NSD3: variants seen among roughly 807,000 people sequenced by gnomAD.
NSD3 encodes nuclear receptor binding SET domain protein 3.
NSD3 carries 24 observed loss-of-function variants against 160.8 expected under a neutral mutation model. The ratio of observed to expected loss-of-function variants is 0.15; its 90% CI spans 0.11 to 0.21. The LOEUF is 0.21. Ranked by LOEUF, NSD3 falls within the 10% of genes least tolerant of loss-of-function variation. The probability of loss-of-function intolerance (pLI) is 1.00; values close to 1 mark genes in which losing one functional copy is unlikely to be tolerated. For missense variants in NSD3, 1,157 were observed against 1,735.9 expected (o/e 0.67, Z 5.93); for synonymous variants, 520 against 600.0 (o/e 0.87, Z 1.95).
At chr8:38,298,979 A>G (rs1480591231) in intron 15 of NSD3, among the ~76,000 whole-genome samples, 6 of 152,254 alleles carry the variant, frequency 3.9e-5, no homozygotes, top group Non-Finnish European at 8.8e-5. Flanking sequence ...GCCCAATGAC[A>G]GAACATATTC....
chr8:38,301,189 T>C (rs1342353414), intron 14 of NSD3, among the ~76,000 whole-genome samples: 4 of 152,214 alleles, frequency 2.6e-5, no homozygotes, highest in Non-Finnish European at 5.9e-5. Flanking sequence ...CAGGCTGGTC[T>C]TGAATTCCTG....
At chr8:38,372,225 A>C (rs932040289) in intron 1 of NSD3, among the ~76,000 whole-genome samples, 1 of 152,238 alleles carries the variant, frequency 6.6e-6, no homozygotes, top group Non-Finnish European at 1.5e-5. Context: ...TTTAAAACCT[A>C]ATCACTGAAT....
chr8:38,314,226 C>A (rs1471358975), intron 12 of NSD3, among the ~76,000 whole-genome samples: 1 of 152,080 alleles, frequency 6.6e-6, no homozygotes, highest in Non-Finnish European at 1.5e-5. Flanking sequence ...AATGGTGAAT[C>A]CCAAGTTTAA....
chr8:38,293,614 T>G (rs1018926977), intron 16 of NSD3, among the ~76,000 whole-genome samples: 2 of 151,596 alleles, frequency 1.3e-5, no homozygotes, highest in Admixed American at 1.3e-4. Context: ...TACAGTATAT[T>G]TAAAATTTTC....
intron 2 of NSD3, among the ~76,000 whole-genome samples, chr8:38,343,528 C>T (rs1371705006): frequency 6.6e-6 from 1 of 151,998 alleles, no homozygotes; most frequent in African/African-American, 2.4e-5. Flanking sequence ...CATAATGAAA[C>T]CCCATCTCTA....
At chr8:38,358,492 CT>C (rs1414697766) in intron 1 of NSD3, among the ~76,000 whole-genome samples, 2 of 152,080 alleles carry the variant, frequency 1.3e-5, no homozygotes, top group Non-Finnish European at 2.9e-5. Context: ...AATGAACCAG[CT>C]ATGCTGGTTC....
chr8:38,323,234 A>G (rs1280055908), intron 7 of NSD3, among the ~76,000 whole-genome samples: 4 of 150,506 alleles, frequency 2.7e-5, no homozygotes, highest in Non-Finnish European at 5.9e-5. Flanking sequence ...TTTTTTTTGT[A>G]CCTTTGTAGA....
chr8:38,351,346 T>C (rs185402867), intron 1 of NSD3, among the ~76,000 whole-genome samples: 8 of 151,580 alleles, frequency 5.3e-5, no homozygotes, highest in Non-Finnish European at 7.4e-5. Context: ...GATGAACTGA[T>C]TGTAGCTTCC....
chr8:38,270,853 CCG>C lies in NSD3; in HGVS notation c.*4786_*4787del, dbSNP rs1275544649. 1 of 152,234 alleles carries C rather than the reference CCG, an allele frequency of 6.6e-6. No individual in the cohort carries two copies. The highest frequency in any genetic ancestry group is 1.9e-4 in the East Asian group (1 of 5,200). 9.4% of individuals were successfully genotyped at this position (152,234 alleles called of 1,614,324 possible). A position where few individuals can be genotyped will look rare whatever the true frequency, so the allele number is the denominator to read the frequency against. On this transcript the variant is annotated 3_prime_UTR_variant, in exon 24 of 24. Transcript: ENST00000317025. The stretch of plus-strand genomic sequence containing the variant: ...AGGACAGGCAATTCTCATCCCCCTC[CCG>C]CTTCATACATACGTGCCACAAGCAC...
At chr8:38,284,470 C>A (rs913858626) in intron 19 of NSD3, among the ~76,000 whole-genome samples, 17 of 152,206 alleles carry the variant, frequency 1.1e-4, no homozygotes, top group African/African-American at 4.1e-4. Flanking sequence ...CCCACTGCAA[C>A]CTCCGCCTCC....
At chr8:38,349,665 TTATA>T (rs71519992) in intron 1 of NSD3, among the ~76,000 whole-genome samples, 5 of 109,810 alleles carry the variant, frequency 4.6e-5, no homozygotes, top group Non-Finnish European at 5.5e-5. Flanking sequence ...ATTTCTTTCT[TTATA>T]TATATATATA....
intron 5 of NSD3, 131 bp downstream of exon 5, chr8:38,331,300 G>A (rs980755782): frequency 9.3e-7 from 1 of 1,076,764 alleles, no homozygotes; most frequent in Non-Finnish European, 1.3e-6. Context: ...TTACCATTAC[G>A]ATTAAAACAG....
chr8:38,300,829 T>A (rs1032277901), intron 14 of NSD3, among the ~76,000 whole-genome samples: 1 of 152,164 alleles, frequency 6.6e-6, no homozygotes, highest in African/African-American at 2.4e-5. Flanking sequence ...ATTTAAGAGA[T>A]CATTTTGAAG....
intron 14 of NSD3, among the ~76,000 whole-genome samples, chr8:38,301,768 A>T (rs1359735457): frequency 6.6e-6 from 1 of 152,240 alleles, no homozygotes; most frequent in East Asian, 1.9e-4. Context: ...CCTGTATACT[A>T]TGGAGAGATA....
chr8:38,290,480 T>C lies in NSD3; in HGVS notation c.3113A>G (p.Lys1038Arg), dbSNP rs199913612. The change falls in exon 17 of 24, where the codon AAA becomes AGA. Residue 1038 changes from lysine to arginine, a missense_variant. Around this residue, in one of 10 missense-constraint regions of NSD3, gnomAD observed 437 missense variants for 576.6 expected, o/e 0.76. Coordinates refer to ENST00000317025, the MANE Select transcript of NSD3 (RefSeq NM_023034.2). ...GTAAACATCATCCAGCTTACCCTTT[T>C]TGAAGGTCTTGTTAATACTAGTCTG... is the stretch of plus-strand genomic sequence containing the variant. ...EGQTSINKTF[K>R]KALEEAAKRF... The C allele has an allele frequency of 3.8e-5, 61 of 1,614,028 alleles. No homozygotes were observed. The highest frequency in any genetic ancestry group is 5.0e-5 in the Non-Finnish European group (59 of 1,179,994).
chr8:38,317,062 T>C lies in NSD3; in HGVS notation c.1856-1020A>G, dbSNP rs1229494788. 5 of 1,059,960 alleles carry C rather than the reference T, an allele frequency of 4.7e-6. No individual in the cohort carries two copies. Among genetic ancestry groups the C allele is most frequent in the East Asian group, 5.2e-5 (1 of 19,396 alleles). 65.7% of individuals were successfully genotyped at this position (1,059,960 alleles called of 1,614,324 possible). ...ACATCTAGATCAACCCAGCAAGCTA[T>C]GGTGGAAGTGTGCAGTCCAGAAGAG... is the stretch of plus-strand genomic sequence containing the variant. On this transcript the variant is annotated intron_variant, in intron 9 of 23. Transcript: ENST00000317025. This position sits in a 1 kb window ranked among gnomAD's most constrained non-coding sequence, Gnocchi z 5.3.
At chr8:38,328,789 C>T (rs1809975283) in intron 6 of NSD3, among the ~76,000 whole-genome samples, 2 of 151,984 alleles carry the variant, frequency 1.3e-5, no homozygotes, top group South Asian at 4.2e-4. Flanking sequence ...AAATGGAGGC[C>T]CAGGACAAAC....
At chr8:38,303,137 T>C in intron 14 of NSD3, 1 of 701,158 alleles carries the variant, frequency 1.4e-6, no homozygotes. Flanking sequence ...AATGGTAGCA[T>C]AGAGTTTGCA....
chr8:38,338,376 A>G (rs947226831), intron 3 of NSD3, among the ~76,000 whole-genome samples, 160 bp downstream of exon 3: 2 of 152,134 alleles, frequency 1.3e-5, no homozygotes, highest in African/African-American at 4.8e-5. Flanking sequence ...AAAATGATTC[A>G]CTGAAAATAT....
Sources: gnomAD v4.1 joint callset for allele counts (sites outside exome capture counted in the v4.1 genomes callset) on GRCh38, gnomAD v4.1.1 for gene constraint, gnomAD v4.1.1 regional missense constraint, Gnocchi (gnomAD v3.1) non-coding constraint, MANE v1.5 for transcripts, NCBI Gene and HGNC (gene_info 2026-07-23, HGNC 2026-07-21) for gene names.